The following SIPA1L3 variants were observed in gnomAD, a reference collection of about 807,000 sequenced individuals.
SIPA1L3 encodes signal induced proliferation associated 1 like 3.
In SIPA1L3, 59 loss-of-function variants were observed where a neutral mutation model predicts 150.1. The observed-to-expected ratio is 0.39, with a 90% CI of 0.32 to 0.49. SIPA1L3 has a LOEUF of 0.49. Among genes scored for constraint, SIPA1L3 ranks in the 20% least tolerant of loss-of-function variants. SIPA1L3 has a pLI of 0.86. For missense variants in SIPA1L3, 2,211 were observed against 2,489.5 expected (o/e 0.89, Z 2.38); for synonymous variants, 1,070 against 1,077.6 (o/e 0.99, Z 0.14).
At chr19:38,054,412 G>A (rs6508761) in intron 2 of SIPA1L3, among the ~76,000 whole-genome samples, 61,182 of 151,848 alleles carry the variant, frequency 0.4, 13,861 homozygotes, top group African/African-American at 0.62. Context: ...TTTGAGACTA[G>A]CCTGACCAAC....
At chr19:38,025,149 G>A (rs1268552895) in intron 1 of SIPA1L3, among the ~76,000 whole-genome samples, 2 of 152,148 alleles carry the variant, frequency 1.3e-5, no homozygotes, top group African/African-American at 2.4e-5. Flanking sequence ...CTGATTGGCC[G>A]TGCTTGGCTC....
At chr19:38,062,553 G>A (rs1254273469) in intron 2 of SIPA1L3, among the ~76,000 whole-genome samples, 1 of 152,198 alleles carries the variant, frequency 6.6e-6, no homozygotes, top group Non-Finnish European at 1.5e-5. Context: ...TGACCACAGG[G>A]CAGGATGCCC....
At chr19:37,930,985 C>A (rs1286058068) in intron 1 of SIPA1L3, among the ~76,000 whole-genome samples, 1 of 152,096 alleles carries the variant, frequency 6.6e-6, no homozygotes, top group Non-Finnish European at 1.5e-5. Context: ...TGTCCCAGTG[C>A]CTGACTCAGA....
At chr19:37,920,575 A>G (rs1296628373) in intron 1 of SIPA1L3, among the ~76,000 whole-genome samples, 2 of 152,220 alleles carry the variant, frequency 1.3e-5, no homozygotes, top group Non-Finnish European at 2.9e-5. Context: ...TGATGTTTTG[A>G]AATGTATCAT....
At chr19:38,053,466 A>G (rs1457963136) in intron 2 of SIPA1L3, among the ~76,000 whole-genome samples, 2 of 152,236 alleles carry the variant, frequency 1.3e-5, no homozygotes, top group Non-Finnish European at 2.9e-5. Context: ...AGTAATAGCC[A>G]TGGACACTTC....
intron 7 of SIPA1L3, 72 bp from the exon 8 acceptor site, chr19:38,110,155 G>C: frequency 6.9e-7 from 1 of 1,457,014 alleles, no homozygotes; most frequent in African/African-American, 1.4e-5. Context: ...GGGAGCTGTG[G>C]CAGTGGTCCA....
chr19:38,082,311 A>G lies in SIPA1L3; in HGVS notation c.746A>G (p.His249Arg). Reference sequence around the variant, plus strand: ...CTCCTCCGGGCAGATCCTGGCCCACACCTCATGGGGGGCGGCGGCGGAGCC... The same window carrying G: ...CTCCTCCGGGCAGATCCTGGCCCACGCCTCATGGGGGGCGGCGGCGGAGCC... Reference protein sequence around the residue: ...TELLRADPGPHLMGGGGGAKG... With the variant: ...TELLRADPGPRLMGGGGGAKG... The change falls in exon 3 of 22, where the codon CAC (histidine) becomes CGC (arginine). Residue 249 changes from histidine (H) to arginine (R), a missense_variant. This residue lies in a region of SIPA1L3 where 587 missense variants were observed against 534.5 expected (regional missense o/e 1.10). Coordinates refer to ENST00000222345, the MANE Select transcript of SIPA1L3 (RefSeq NM_015073.3). 6.3e-7 allele frequency: 1 copy of G among 1,599,152 alleles called. No homozygotes were observed. The highest frequency in any genetic ancestry group is 8.5e-7 in the Non-Finnish European group (1 of 1,179,078).
At chr19:38,035,661 A>G (rs80134214) in intron 2 of SIPA1L3, among the ~76,000 whole-genome samples, 1 of 152,170 alleles carries the variant, frequency 6.6e-6, no homozygotes, top group African/African-American at 2.4e-5. Flanking sequence ...AGATGGGATT[A>G]TGAATTTCAA....
At chr19:38,095,039 C>A (rs1279547544) in intron 4 of SIPA1L3, among the ~76,000 whole-genome samples, 1 of 152,194 alleles carries the variant, frequency 6.6e-6, no homozygotes, top group Non-Finnish European at 1.5e-5. Flanking sequence ...CACACCATTG[C>A]ATTCCAGCCT....
At chr19:38,184,117 A>AT (rs1486938672) in intron 16 of SIPA1L3, among the ~76,000 whole-genome samples, 1 of 152,104 alleles carries the variant, frequency 6.6e-6, no homozygotes, top group East Asian at 1.9e-4. Flanking sequence ...AAGTGGTTTG[A>AT]TGCGAATGAA....
intron 1 of SIPA1L3, among the ~76,000 whole-genome samples, chr19:37,985,748 GC>G (rs934074727): frequency 3.3e-5 from 5 of 152,206 alleles, no homozygotes; most frequent in African/African-American, 1.2e-4. Context: ...GGAGAGGATG[GC>G]TGTGGGGAGC....
intron 10 of SIPA1L3, among the ~76,000 whole-genome samples, chr19:38,137,168 C>T (rs1034217769): frequency 6.6e-6 from 1 of 152,098 alleles, no homozygotes; most frequent in East Asian, 1.9e-4. Context: ...CTCCATGCTG[C>T]ATGCTGCCTT....
rs1485506525 is a variant in SIPA1L3, at chr19:37,941,071, TACACACACACACACATACACACACACAC to T, written c.-379+33729_-379+33756del. 5.1e-3 allele frequency among the ~76,000 whole-genome samples: 674 copies of T among 133,182 alleles called. 4 individuals carry two copies. Among genetic ancestry groups the T allele is most frequent in the African/African-American group, 0.018 (654 of 37,144 alleles). The allele number at this position is 133,182 out of a possible 152,430, so 87.4% of individuals were successfully genotyped here. A position where few individuals can be genotyped will look rare whatever the true frequency, so the allele number is the denominator to read the frequency against. ...GTAGGTGAATTTCAGGTTTGAGATG[TACACACACACACACATACACACACACAC>T]ACACACACACACACACACACACACT... On this transcript the variant is annotated intron_variant, in intron 1 of 21. Coordinates refer to ENST00000222345, the MANE Select transcript of SIPA1L3 (RefSeq NM_015073.3).
chr19:38,091,412 A>G lies in SIPA1L3; in HGVS notation c.1665+2561A>G, dbSNP rs572521618. 1.9e-4 allele frequency among the ~76,000 whole-genome samples: 29 copies of G among 152,280 alleles called. No homozygotes were observed. In the South Asian group the frequency reaches 6.0e-3, roughly 32 times the overall value. ...AAAATATATACATACACATATGTAT[A>G]TATAAAATATTTATTATGAAGGCTA... On this transcript the variant is annotated intron_variant, in intron 4 of 21. Transcript: ENST00000222345.
intron 15 of SIPA1L3, among the ~76,000 whole-genome samples, chr19:38,167,252 G>A (rs1237707790): frequency 4.4e-5 from 5 of 114,250 alleles, no homozygotes; most frequent in Non-Finnish European, 1.0e-4. Flanking sequence ...AAAAAAAGGT[G>A]AAGCAGTGGT....
At chr19:37,922,322 A>G (rs1229886860) in intron 1 of SIPA1L3, among the ~76,000 whole-genome samples, 1 of 151,884 alleles carries the variant, frequency 6.6e-6, no homozygotes, top group Non-Finnish European at 1.5e-5. Flanking sequence ...TCCTGATCTC[A>G]GGTGATCCAC....
intron 1 of SIPA1L3, among the ~76,000 whole-genome samples, chr19:37,966,333 G>C (rs1456475583): frequency 6.6e-6 from 1 of 152,160 alleles, no homozygotes; most frequent in Non-Finnish European, 1.5e-5. Flanking sequence ...GCTCAGTGAG[G>C]GATGCTTTGC....
chr19:38,134,124 C>T (rs1219773146), intron 10 of SIPA1L3, among the ~76,000 whole-genome samples: 2 of 151,906 alleles, frequency 1.3e-5, no homozygotes, highest in African/African-American at 2.4e-5. Context: ...GCTGGGACTA[C>T]AGGCATGCAC....
At chr19:38,056,794 T>G (rs1969326129) in intron 2 of SIPA1L3, among the ~76,000 whole-genome samples, 2 of 152,176 alleles carry the variant, frequency 1.3e-5, no homozygotes, top group South Asian at 4.2e-4. Context: ...CCAGGCGTGG[T>G]GGCCCACACC....
Sources: gnomAD v4.1 joint callset for allele counts (sites outside exome capture counted in the v4.1 genomes callset) on GRCh38, gnomAD v4.1.1 for gene constraint, gnomAD v4.1.1 regional missense constraint, MANE v1.5 for transcripts, NCBI Gene and HGNC (gene_info 2026-07-23, HGNC 2026-07-21) for gene names.